PLXNA2: variants seen among roughly 807,000 people sequenced by gnomAD.
PLXNA2 encodes the protein plexin-A2.
A neutral mutation model predicts 193.5 loss-of-function variants in PLXNA2; 91 were observed. The ratio of observed to expected loss-of-function variants is 0.47; its 90% CI spans 0.40 to 0.56. PLXNA2 has a LOEUF of 0.56. Ranked by LOEUF, PLXNA2 falls within the 20% of genes least tolerant of loss-of-function variation. The pLI, the probability that PLXNA2 is intolerant of heterozygous loss-of-function variation, is 0.00. For missense variants in PLXNA2, 1,995 were observed against 2,503.2 expected (o/e 0.80, Z 4.33); for synonymous variants, 997 against 1,027.3 (o/e 0.97, Z 0.56).
At chr1:208,064,028 T>C (rs778519784) in intron 12 of PLXNA2, among the ~76,000 whole-genome samples, 6 of 152,118 alleles carry the variant, frequency 3.9e-5, no homozygotes, top group Admixed American at 6.5e-5. Context: ...CCAAGCCAAT[T>C]ACCCTCCCAG....
At chr1:208,201,892 C>T (rs143007240) in intron 3 of PLXNA2, among the ~76,000 whole-genome samples, 269 of 152,196 alleles carry the variant, frequency 1.8e-3, no homozygotes, top group African/African-American at 5.5e-3. Context: ...CACTTATCAC[C>T]CACTAAACAT....
chr1:208,057,156 C>A (rs55812766), intron 13 of PLXNA2, among the ~76,000 whole-genome samples: 6,880 of 152,296 alleles, frequency 0.045, 208 homozygotes, highest in Middle Eastern at 0.1. Context: ...TTTACTGATT[C>A]TGCCAGGCAC....
chr1:208,049,333 G>A (rs1665179357), intron 17 of PLXNA2, among the ~76,000 whole-genome samples: 1 of 144,894 alleles, frequency 6.9e-6, no homozygotes, highest in East Asian at 2.0e-4. Context: ...AATCCTTCCT[G>A]GGTGTGAACT....
At chr1:208,119,691 C>G (rs542231959) in intron 4 of PLXNA2, among the ~76,000 whole-genome samples, 1 of 152,296 alleles carries the variant, frequency 6.6e-6, no homozygotes, top group Admixed American at 6.5e-5. Flanking sequence ...CTCACTGCAG[C>G]CTCCGCCTCC....
Position 208,103,174 on chromosome 1 carries a change from T to G in PLXNA2, c.1580A>C (p.His527Pro). 1 of 1,614,102 alleles carries G rather than the reference T, an allele frequency of 6.2e-7. No individual in the cohort carries two copies. The highest frequency in any genetic ancestry group is 8.5e-7 in the Non-Finnish European group (1 of 1,179,948). ...GTTGTGCAGGGCACACCAGCCACAG[T>G]GAGGGTCCCCAGAGCTCAGGCACTC... ...CGECLSSGDPHCGWCALHNMC... is the reference protein window; with the variant it reads ...CGECLSSGDPPCGWCALHNMC... Residue 527 changes from histidine (H) to proline (P), a missense_variant, in exon 5 of 32, where the codon CAC becomes CCC. Coordinates refer to ENST00000367033, the MANE Select transcript of PLXNA2 (RefSeq NM_025179.4).
At chr1:208,233,137 G>A (rs1671742516) in intron 1 of PLXNA2, among the ~76,000 whole-genome samples, 1 of 151,952 alleles carries the variant, frequency 6.6e-6, no homozygotes, top group East Asian at 1.9e-4. Context: ...CTGTCTTTTT[G>A]CAATACTTAT....
intron 1 of PLXNA2, among the ~76,000 whole-genome samples, chr1:208,229,951 G>T (rs1197867855): frequency 6.6e-6 from 1 of 152,182 alleles, no homozygotes; most frequent in Non-Finnish European, 1.5e-5. Flanking sequence ...ACGGACCTGG[G>T]CTCAAGTCTC....
chr1:208,118,773 C>T (rs531869007), intron 4 of PLXNA2, among the ~76,000 whole-genome samples: 4 of 151,530 alleles, frequency 2.6e-5, no homozygotes, highest in African/African-American at 9.7e-5. Flanking sequence ...AAAAGAGGTG[C>T]TTAGGATATT....
At chr1:208,076,057 CAA>C (rs750601110) in intron 12 of PLXNA2, among the ~76,000 whole-genome samples, 57 of 59,252 alleles carry the variant, frequency 9.6e-4, no homozygotes, top group Non-Finnish European at 9.8e-4. Context: ...GACCCTGTCT[CAA>C]AAAAAAAAAA....
intron 9 of PLXNA2, 65 bp downstream of exon 9, chr1:208,092,721 C>A (rs1666755906): frequency 8.7e-7 from 1 of 1,149,974 alleles, no homozygotes; most frequent in Admixed American, 1.9e-5. Context: ...GACTGACCAT[C>A]TAAAGAGGGA....
intron 1 of PLXNA2, among the ~76,000 whole-genome samples, chr1:208,237,376 A>G (rs1671898116): frequency 6.6e-6 from 1 of 152,226 alleles, no homozygotes. Context: ...AATGTGGATG[A>G]GTAATAATAT....
intron 3 of PLXNA2, among the ~76,000 whole-genome samples, chr1:208,179,631 A>G (rs1404205584): frequency 6.6e-6 from 1 of 152,202 alleles, no homozygotes; most frequent in East Asian, 1.9e-4. Flanking sequence ...GGGGCAGATG[A>G]GGGCCCTGGA....
At chr1:208,086,739 C>T (rs973684470) in intron 9 of PLXNA2, among the ~76,000 whole-genome samples, 4 of 143,860 alleles carry the variant, frequency 2.8e-5, no homozygotes, top group Non-Finnish European at 6.0e-5. Flanking sequence ...TGCACTTTCA[C>T]TTTCATTCCC....
chr1:208,165,279 G>T (rs2590686), intron 3 of PLXNA2, among the ~76,000 whole-genome samples: 147,573 of 152,282 alleles, frequency 0.97, 71,698 homozygotes, highest in East Asian at 1. Context: ...AAGTCTCAGA[G>T]GGGAGGAAAT....
chr1:208,136,505 A>G (rs778567138), intron 4 of PLXNA2, among the ~76,000 whole-genome samples: 1 of 152,182 alleles, frequency 6.6e-6, no homozygotes, highest in Non-Finnish European at 1.5e-5. Context: ...CCCGGTGTCC[A>G]TGCATGCAGC....
intron 4 of PLXNA2, among the ~76,000 whole-genome samples, chr1:208,110,093 A>T (rs1667414980): frequency 6.6e-6 from 1 of 152,138 alleles, no homozygotes; most frequent in African/African-American, 2.4e-5. Context: ...ACAGGGAGAG[A>T]AATGTGGGCC....
chr1:208,097,852 A>G (rs1214600756), intron 6 of PLXNA2, among the ~76,000 whole-genome samples: 1 of 151,864 alleles, frequency 6.6e-6, no homozygotes, highest in Non-Finnish European at 1.5e-5. Context: ...TGGCGTAGGT[A>G]GGTTTCCCTT....
chr1:208,238,505 G>T, intron 1 of PLXNA2, among the ~76,000 whole-genome samples: 1 of 152,122 alleles, frequency 6.6e-6, no homozygotes, highest in East Asian at 1.9e-4. Context: ...TAAGCTCTCT[G>T]GTCTCCTGCC....
chr1:208,071,114 A>T (rs1287702909), intron 12 of PLXNA2, among the ~76,000 whole-genome samples: 2 of 152,218 alleles, frequency 1.3e-5, no homozygotes. Flanking sequence ...GCAGGTGATC[A>T]GTCCCCAACA....
Sources: gnomAD v4.1 joint callset for allele counts (sites outside exome capture counted in the v4.1 genomes callset) on GRCh38, gnomAD v4.1.1 for gene constraint, MANE v1.5 for transcripts, NCBI Gene and HGNC (gene_info 2026-07-23, HGNC 2026-07-21) for gene names.